The following SESTD1 variants were observed in gnomAD, a reference collection of about 807,000 sequenced individuals.
The protein encoded by SESTD1 is SEC14 domain and spectrin repeat-containing protein 1.
Under a neutral mutation model 101.7 loss-of-function variants are expected in SESTD1, and 43 were observed. The ratio of observed to expected loss-of-function variants is 0.42; its 90% CI spans 0.33 to 0.55. The LOEUF is 0.55. SESTD1 is among the 20% of genes least tolerant of loss of function. SESTD1 has a pLI of 0.07. For synonymous variants in SESTD1, 283 were observed against 286.8 expected (o/e 0.99, Z 0.13); for missense variants, 647 against 815.1 (o/e 0.79, Z 2.51).
intron 2 of SESTD1, among the ~76,000 whole-genome samples, chr2:179,188,641 C>A (rs939288284): frequency 3.3e-5 from 5 of 151,572 alleles, no homozygotes; most frequent in Non-Finnish European, 7.4e-5. Flanking sequence ...GAGATCCTGT[C>A]TCAAAAAAAG....
intron 7 of SESTD1, among the ~76,000 whole-genome samples, chr2:179,148,501 A>G (rs1441652825): frequency 1.3e-5 from 2 of 152,210 alleles, no homozygotes; most frequent in Non-Finnish European, 2.9e-5. Flanking sequence ...CTATTACTTC[A>G]TTGCATATCA....
rs2046629568 is a variant in SESTD1 at position 179,209,861 on chromosome 2, C to G, written c.-25-17995G>C. On this transcript the variant is annotated intron_variant, in intron 1 of 17. Transcript: ENST00000428443. ...CCAGCAGAAGAAAAGAAATAAAGAT[C>G]AGAGCAGAACTAAATGAAACTGAAA... Among the ~76,000 whole-genome samples the G allele has an allele frequency of 1.5e-5, 2 of 132,276 alleles. 1 individual carries two copies. Among genetic ancestry groups the G allele is most frequent in the Non-Finnish European group, 3.2e-5 (2 of 61,760 alleles). The allele number at this position is 132,276 out of a possible 152,430, so 86.8% of individuals were successfully genotyped here.
Position 179,104,788 on chromosome 2 carries a change from T to C in SESTD1, c.*5111A>G, listed in dbSNP as rs2044344542. 1 of 152,064 alleles carries C rather than the reference T, an allele frequency of 6.6e-6. No individual in the cohort carries two copies. Among genetic ancestry groups the C allele is most frequent in the African/African-American group, 2.4e-5 (1 of 41,392 alleles). The allele number at this position is 152,064 out of a possible 1,614,324, so 9.4% of individuals were successfully genotyped here. Reference sequence around the variant, plus strand: ...TTATACATACAGCCTCATAAAGTTCTCCAAAAAAAATCTTTAAAAATGTGC... The same window carrying C: ...TTATACATACAGCCTCATAAAGTTCCCCAAAAAAAATCTTTAAAAATGTGC... On this transcript the variant is annotated 3_prime_UTR_variant, in exon 18 of 18. Transcript: ENST00000428443.
intron 5 of SESTD1, among the ~76,000 whole-genome samples, chr2:179,154,315 G>C (rs976537382): frequency 7.1e-6 from 1 of 139,946 alleles, no homozygotes; most frequent in Non-Finnish European, 1.6e-5. Context: ...GGGAGGGAGG[G>C]AGAGAGGGAG....
At chr2:179,254,417 A>G (rs762862942) in intron 1 of SESTD1, among the ~76,000 whole-genome samples, 8 of 152,148 alleles carry the variant, frequency 5.3e-5, no homozygotes, top group Non-Finnish European at 1.0e-4. Context: ...GTCACCAGCC[A>G]TTTTTCCTCA....
intron 6 of SESTD1, among the ~76,000 whole-genome samples, chr2:179,151,017 A>C (rs2045515038): frequency 1.3e-5 from 2 of 152,182 alleles, no homozygotes; most frequent in South Asian, 4.1e-4. Context: ...TACTATTACT[A>C]TCACCATATT....
chr2:179,248,309 G>T (rs2047263623), intron 1 of SESTD1, among the ~76,000 whole-genome samples: 1 of 151,924 alleles, frequency 6.6e-6, no homozygotes, highest in African/African-American at 2.4e-5. Flanking sequence ...AAGAAAAAAA[G>T]AAATCTCCAA....
intron 2 of SESTD1, among the ~76,000 whole-genome samples, chr2:179,183,682 G>A (rs1200122934): frequency 6.6e-6 from 1 of 152,008 alleles, no homozygotes; most frequent in East Asian, 1.9e-4. Flanking sequence ...TAAGACTTGA[G>A]AAAAACAGAG....
Position 179,220,665 on chromosome 2 carries a change from C to A in SESTD1, c.-25-28799G>T, listed in dbSNP as rs114972704. Among the ~76,000 whole-genome samples the A allele has an allele frequency of 7.0e-3, 1,068 of 152,258 alleles. 9 individuals carry two copies. The highest frequency in any genetic ancestry group is 0.024 in the African/African-American group (997 of 41,542). On this transcript the variant is annotated intron_variant, in intron 1 of 17. Coordinates refer to ENST00000428443, the MANE Select transcript of SESTD1 (RefSeq NM_178123.5). ...AGCTGGGTGAGGTCTCCTTCCATCA[C>A]CAGAAGAGGAAATGGATACAGCCAC... is the stretch of plus-strand genomic sequence containing the variant.
At chr2:179,140,796 G>C (rs193174) in intron 9 of SESTD1, among the ~76,000 whole-genome samples, 6 of 152,270 alleles carry the variant, frequency 3.9e-5, no homozygotes. Context: ...CTTTCTAACA[G>C]ACATTTTAAG....
chr2:179,151,192 A>G (rs1030231458), intron 6 of SESTD1, 86 bp downstream of exon 6: 1 of 883,608 alleles, frequency 1.1e-6, no homozygotes, highest in Non-Finnish European at 1.6e-6. Context: ...AAAATAATCT[A>G]TATTTTAATA....
intron 10 of SESTD1, among the ~76,000 whole-genome samples, chr2:179,130,709 T>C (rs2044992032): frequency 6.6e-6 from 1 of 152,096 alleles, no homozygotes; most frequent in Non-Finnish European, 1.5e-5. Context: ...TTTGGAATAC[T>C]TTCATAACTA....
chr2:179,126,923 C>T (rs1215347562), intron 10 of SESTD1, among the ~76,000 whole-genome samples: 1 of 152,176 alleles, frequency 6.6e-6, no homozygotes, highest in Non-Finnish European at 1.5e-5. Context: ...ACTTCTAATG[C>T]CTCCATCTAT....
At chr2:179,228,716 C>A (rs2046928552) in intron 1 of SESTD1, among the ~76,000 whole-genome samples, 2 of 152,160 alleles carry the variant, frequency 1.3e-5, no homozygotes, top group African/African-American at 2.4e-5. Context: ...CCAATATAAC[C>A]TTCAAAAGCT....
At chr2:179,112,161 C>T (rs1188366819) in intron 17 of SESTD1, among the ~76,000 whole-genome samples, 4 of 152,186 alleles carry the variant, frequency 2.6e-5, no homozygotes, top group African/African-American at 9.6e-5. Context: ...CCATATAACA[C>T]AGTACAAAGG....
chr2:179,120,971 G>A (rs777401233), intron 13 of SESTD1, among the ~76,000 whole-genome samples: 3 of 152,168 alleles, frequency 2.0e-5, no homozygotes, highest in Non-Finnish European at 4.4e-5. Flanking sequence ...TCAGGAGGGT[G>A]ATCAGAATCA....
At chr2:179,196,473 C>T (rs1452809867) in intron 1 of SESTD1, among the ~76,000 whole-genome samples, 16 of 152,262 alleles carry the variant, frequency 1.1e-4, no homozygotes, top group African/African-American at 2.4e-5. Context: ...AGGAGGCCTG[C>T]TTGCCTCTGT....
chr2:179,150,529 A>G (rs2045497097), intron 6 of SESTD1, among the ~76,000 whole-genome samples: 1 of 151,900 alleles, frequency 6.6e-6, no homozygotes, highest in South Asian at 2.1e-4. Context: ...TCAAGAAATT[A>G]TGCTACTGTT....
chr2:179,180,563 CA>C (rs1201225518), intron 3 of SESTD1, among the ~76,000 whole-genome samples: 3 of 152,034 alleles, frequency 2.0e-5, no homozygotes, highest in Non-Finnish European at 4.4e-5. Flanking sequence ...TTCCTAAGGA[CA>C]AAAAGAGGGG....
Sources: gnomAD v4.1 joint callset for allele counts (sites outside exome capture counted in the v4.1 genomes callset) on GRCh38, gnomAD v4.1.1 for gene constraint, MANE v1.5 for transcripts, NCBI Gene and HGNC (gene_info 2026-07-23, HGNC 2026-07-21) for gene names.